The following SRMS variants were observed in gnomAD, a reference collection of about 807,000 sequenced individuals.
SRMS encodes the protein tyrosine-protein kinase Srms.
In SRMS, 42 loss-of-function variants were observed where a neutral mutation model predicts 43.5. The ratio of observed to expected loss-of-function variants is 0.97; its 90% confidence interval spans 0.75 to 1.25. The LOEUF (loss-of-function observed/expected upper bound fraction) is 1.25. Among genes scored for constraint, SRMS ranks in the 50% most tolerant of loss-of-function variants. The pLI, the probability that SRMS is intolerant of heterozygous loss-of-function variation, is 0.00. For synonymous variants in SRMS, 316 were observed against 308.2 expected, an observed-to-expected ratio of 1.03 and a Z score of -0.27; for missense variants, 703 against 681.0, an observed-to-expected ratio of 1.03 and a Z score of -0.36.
Position 63,547,146 on chromosome 20 carries a change from G to A in SRMS, c.318C>T (p.His106=), listed in dbSNP as rs145867007. 111 of 1,606,460 alleles carry A rather than the reference G, an allele frequency of 6.9e-5. No homozygotes were observed. In the African/African-American group the frequency reaches 1.0e-3, roughly 15 times the overall value. Residue 106 remains histidine (H), a synonymous_variant, in exon 1 of 8, where the codon CAC becomes CAT. Coordinates refer to ENST00000217188, the MANE Select transcript of SRMS (RefSeq NM_080823.4). ...QPSAGLVPIT[H]VAKASPETLS... ...GCGTCTCAGGAGAAGCCTTGGCCAC[G>A]TGGGTGATGGGCACGAGCCCGGCGC...
chr20:63,540,921 ACCT>A lies in SRMS; in HGVS notation c.1361_1363del (p.Glu454del), dbSNP rs1489996839. 1 of 1,606,074 alleles carries A rather than the reference ACCT, an allele frequency of 6.2e-7. No homozygotes were observed. Among genetic ancestry groups the A allele is most frequent in the East Asian group, 2.2e-5 (1 of 44,806 alleles). On this transcript the variant is annotated inframe_deletion, in exon 8 of 8. Coordinates refer to ENST00000217188, the MANE Select transcript of SRMS (RefSeq NM_080823.4). ...CCAGCACTCCAGCATGAGCACGTAG[ACCT>A]CCGCCGGGCAGGCAGCCGGGCGCGG...
chr20:63,544,166 C>A lies in SRMS; in HGVS notation c.478+61G>T. ...CCAGCACTGCCTAGAGACCAACCAC[C>A]CCAAGGTCAAGGGCCACTGACCTGG... On this transcript the variant is annotated intron_variant, in intron 2 of 7. Transcript: ENST00000217188. 1 of 1,377,918 alleles carries A rather than the reference C, an allele frequency of 7.3e-7. No homozygotes were observed. The highest frequency in any genetic ancestry group is 9.4e-7 in the Non-Finnish European group (1 of 1,066,914). 85.4% of individuals were successfully genotyped at this position (1,377,918 alleles called of 1,614,324 possible).
rs1569017910 is a variant in SRMS, at chr20:63,542,672, C to T, written c.646-91G>A. ...CCCCACACCAGGCCTCTGGCGGGCACCCCTGTCCCCAGCACACACTCACCC... is the reference window on the plus strand; with the variant it reads ...CCCCACACCAGGCCTCTGGCGGGCATCCCTGTCCCCAGCACACACTCACCC... On this transcript the variant is annotated intron_variant, in intron 3 of 7. Transcript: ENST00000217188. The T allele has an allele frequency of 3.5e-6, 5 of 1,430,510 alleles. No individual in the cohort carries two copies. The African/African-American group carries it at 5.8e-5, about 16-fold the overall frequency. The allele number at this position is 1,430,510 out of a possible 1,614,324, so 88.6% of individuals were successfully genotyped here.
intron 4 of SRMS, 40 bp from the exon 5 acceptor site, chr20:63,542,361 C>T (rs748553628): frequency 5.0e-6 from 8 of 1,597,324 alleles, no homozygotes; most frequent in Admixed American, 1.7e-5. Context: ...GCCCACGCCA[C>T]GAACATCACT....
chr20:63,545,768 T>G (rs1252039540), intron 1 of SRMS, among the ~76,000 whole-genome samples: 2 of 152,146 alleles, frequency 1.3e-5, no homozygotes, highest in Admixed American at 1.3e-4. Context: ...GAGCTCCTCC[T>G]GCAGCCAGGG....
rs1235109807 is a variant in SRMS, at chr20:63,540,563, G to A, written c.*255C>T. ...CGGGGAACGTCAGCCCCAGCCCTTCGTCTGCACGAGTCACACTGCATGGGG... is the reference window on the plus strand; with the variant it reads ...CGGGGAACGTCAGCCCCAGCCCTTCATCTGCACGAGTCACACTGCATGGGG... On this transcript the variant is annotated 3_prime_UTR_variant, in exon 8 of 8. Transcript: ENST00000217188. Among the ~76,000 whole-genome samples the A allele has an allele frequency of 1.3e-5, 2 of 151,736 alleles. No homozygotes were observed. The highest frequency in any genetic ancestry group is 4.8e-5 in the African/African-American group (2 of 41,302).
chr20:63,547,271 G>T lies in SRMS; in HGVS notation c.193C>A (p.Arg65=). ...CGGACACTCAGCTCCCCGCCACACC[G>T]CGCCGTGAAGTCATAGAGCGCAAGG... ...LFLALYDFTA[R]CGGELSVRRG... Residue 65 remains arginine (R), a synonymous_variant, in exon 1 of 8, where the codon CGG becomes AGG. Coordinates refer to ENST00000217188, the MANE Select transcript of SRMS (RefSeq NM_080823.4). 1 of 1,610,148 alleles carries T rather than the reference G, an allele frequency of 6.2e-7. No homozygotes were observed. The highest frequency in any genetic ancestry group is 1.1e-5 in the South Asian group (1 of 90,816).
Position 63,540,880 on chromosome 20 carries a change from C to T in SRMS, c.1405G>A (p.Glu469Lys). The T allele has an allele frequency of 1.2e-6, 2 of 1,606,194 alleles. No homozygotes were observed. Among genetic ancestry groups the T allele is most frequent in the Non-Finnish European group, 1.7e-6 (2 of 1,179,482 alleles). ...CGCAGCGTGGCGAAGGAGGGCCGTT[C>T]CTCGGGGCTGCTCCTCCAGCACTCC... is the stretch of plus-strand genomic sequence containing the variant. ...MLECWRSSPEERPSFATLREK... is the reference protein window; with the variant it reads ...MLECWRSSPEKRPSFATLREK... Residue 469 changes from glutamate to lysine, a missense_variant, in exon 8 of 8, where the codon GAA becomes AAA. By Grantham distance (56) the Glu-to-Lys change is moderately conservative. Transcript: ENST00000217188.
Position 63,547,747 on chromosome 20 carries a change from T to G in SRMS, c.-284A>C. 1.5e-5 allele frequency: 4 copies of G among 268,942 alleles called. No homozygotes were observed. Among genetic ancestry groups the G allele is most frequent in the Middle Eastern group, 1.1e-3 (1 of 914 alleles). 16.7% of individuals were successfully genotyped at this position (268,942 alleles called of 1,614,324 possible). A position where few individuals can be genotyped will look rare whatever the true frequency, so the allele number is the denominator to read the frequency against. On this transcript the variant is annotated 5_prime_UTR_variant, in exon 1 of 8. Transcript: ENST00000217188. ...TCCTCGACCTCCTTGGCGTCTGGAGTGCACCGTCCCCTCCCCAACCCGACG... is the reference window on the plus strand; with the variant it reads ...TCCTCGACCTCCTTGGCGTCTGGAGGGCACCGTCCCCTCCCCAACCCGACG...
chr20:63,541,115 C>G (rs2082701252), intron 7 of SRMS, 76 bp downstream of exon 7: 3 of 1,559,284 alleles, frequency 1.9e-6, no homozygotes, highest in Admixed American at 2.0e-5. Context: ...CAACCCCTTG[C>G]CGACAGCGTC....
intron 1 of SRMS, among the ~76,000 whole-genome samples, chr20:63,545,855 C>T (rs948861282): frequency 6.6e-6 from 1 of 151,726 alleles, no homozygotes; most frequent in African/African-American, 2.4e-5. Flanking sequence ...CTCCCAGCAC[C>T]GTGGGGTGTG....
chr20:63,546,005 C>T (rs1373854863), intron 1 of SRMS, among the ~76,000 whole-genome samples: 1 of 152,132 alleles, frequency 6.6e-6, no homozygotes. Flanking sequence ...GGGCGTGGGG[C>T]CAGGTGTCTG....
chr20:63,544,125 G>T, intron 2 of SRMS, 102 bp downstream of exon 2: 1 of 1,300,614 alleles, frequency 7.7e-7, no homozygotes, highest in South Asian at 2.1e-5. Context: ...CAGTGGCGCC[G>T]GGTGTGAATC....
chr20:63,540,868 AG>A lies in SRMS; in HGVS notation c.1416del (p.Phe473SerfsTer98), dbSNP rs779354283. On this transcript the variant is annotated frameshift_variant, in exon 8 of 8. Coordinates refer to ENST00000217188, the MANE Select transcript of SRMS (RefSeq NM_080823.4). LOFTEE classifies it low-confidence loss of function (END_TRUNC). ...CWRSSPEERPSFATLREKLHA... is the reference protein window; with the variant it reads ...CWRSSPEERPXFATLREKLHA... ...TGCAGCTTCTCCCGCAGCGTGGCGA[AG>A]GAGGGCCGTTCCTCGGGGCTGCTCC... The A allele has an allele frequency of 6.2e-7, 1 of 1,605,818 alleles. No individual in the cohort carries two copies. The highest frequency in any genetic ancestry group is 8.5e-7 in the Non-Finnish European group (1 of 1,179,214).
chr20:63,543,565 C>T, intron 2 of SRMS, 85 bp from the exon 3 acceptor site: 1 of 1,508,558 alleles, frequency 6.6e-7, no homozygotes, highest in Non-Finnish European at 9.0e-7. Context: ...GGCCACAACC[C>T]ACTAAGGGGT....
chr20:63,542,650 C>G, intron 3 of SRMS, 69 bp from the exon 4 acceptor site: 3 of 1,503,504 alleles, frequency 2.0e-6, no homozygotes, highest in Non-Finnish European at 1.8e-6. Context: ...CACAGCCCCC[C>G]ACACCAGGCC....
chr20:63,544,388 C>G (rs2082720258), intron 1 of SRMS, 40 bp from the exon 2 acceptor site: 1 of 1,435,052 alleles, frequency 7.0e-7, no homozygotes, highest in East Asian at 3.0e-5. Context: ...GCAGGCCCCT[C>G]AGCCAGTGGC....
At position 63,544,298 on chromosome 20, in the gene SRMS, G is replaced by A. The variant is rs988019267; in HGVS notation, c.407C>T (p.Ser136Phe). ...GAAGGCCCCTGGTTCGTTGGGTGGG[G>A]AGAGGAGCAGCTGCTGTGCCTGGGT... is the stretch of plus-strand genomic sequence containing the variant. ...SRTQAQQLLL[S>F]PPNEPGAFLI... Residue 136 changes from serine (S) to phenylalanine (F), a missense_variant, in exon 2 of 8, where the codon TCC (serine) becomes TTC (phenylalanine). Ser to Phe is a radical substitution (Grantham distance 155, BLOSUM62 -2). Transcript: ENST00000217188. 1 of 1,485,200 alleles carries A rather than the reference G, an allele frequency of 6.7e-7. No individual in the cohort carries two copies. Among genetic ancestry groups the A allele is most frequent in the Non-Finnish European group, 8.9e-7 (1 of 1,118,838 alleles). The allele number at this position is 1,485,200 out of a possible 1,614,324, so 92.0% of individuals were successfully genotyped here.
At position 63,540,870 on chromosome 20, in the gene SRMS, G is replaced by A. The variant is rs2145982149; in HGVS notation, c.1415C>T (p.Ser472Phe). The A allele has an allele frequency of 6.2e-7, 1 of 1,605,964 alleles. No individual in the cohort carries two copies. The highest frequency in any genetic ancestry group is 2.2e-5 in the East Asian group (1 of 44,856). ...CWRSSPEERP[S>F]FATLREKLHA... is the part of the protein sequence containing the mutation. ...CAGCTTCTCCCGCAGCGTGGCGAAG[G>A]AGGGCCGTTCCTCGGGGCTGCTCCT... Residue 472 changes from serine (S) to phenylalanine (F), a missense_variant, in exon 8 of 8, where the codon TCC becomes TTC. Coordinates refer to ENST00000217188, the MANE Select transcript of SRMS (RefSeq NM_080823.4).
Sources: allele counts gnomAD v4.1 joint callset (sites outside exome capture counted in the v4.1 genomes callset), GRCh38; gene constraint gnomAD v4.1.1; transcripts MANE v1.5; gene names NCBI Gene and HGNC (gene_info 2026-07-23, HGNC 2026-07-21).